The following TAB2 variants were observed in gnomAD, a reference collection of about 807,000 sequenced individuals.
TAB2 encodes TGF-beta activated kinase 1 (MAP3K7) binding protein 2, also known as TGF-beta-activated kinase 1 and MAP3K7-binding protein 2.
TAB2 carries 3 observed loss-of-function variants against 65.0 expected under a neutral mutation model. The ratio of observed to expected loss-of-function variants is 0.05; its 90% CI spans 0.02 to 0.12. The LOEUF (loss-of-function observed/expected upper bound fraction) is 0.12. Ranked by LOEUF, TAB2 falls within the 10% of genes least tolerant of loss-of-function variation. TAB2 has a pLI of 1.00. For synonymous variants in TAB2, 298 were observed against 285.1 expected (o/e 1.05, Z -0.46); for missense variants, 623 against 840.3 (o/e 0.74, Z 3.20).
intron 1 of TAB2, among the ~76,000 whole-genome samples, chr6:149,344,346 C>T (rs896225596): frequency 1.3e-5 from 2 of 152,044 alleles, no homozygotes; most frequent in African/African-American, 2.4e-5. Context: ...AGCTTACAGA[C>T]AAGTAATATG....
intron 2 of TAB2, 80 bp from the exon 3 acceptor site, chr6:149,377,938 T>TA: frequency 9.5e-7 from 1 of 1,055,304 alleles, no homozygotes; most frequent in East Asian, 2.5e-5. Context: ...AGTCACTTGG[T>TA]AATCATGTAT....
intron 1 of TAB2, among the ~76,000 whole-genome samples, chr6:149,367,296 A>G (rs1352425617): frequency 2.6e-5 from 4 of 152,142 alleles, no homozygotes; most frequent in African/African-American, 9.7e-5. Context: ...TCTCTGAAGA[A>G]GTGACATTTG....
rs572768430 is a variant in TAB2, at chr6:149,228,490, C to T, written c.-121+9714C>T. The stretch of plus-strand genomic sequence containing the variant: ...ACTCTGACTTCCTCACACTGTGAAC[C>T]GTCCCCACCATCTCCTGGCTCCCCA... On this transcript the variant is annotated intron_variant, in intron 1 of 1. Coordinates refer to the TAB2 transcript ENST00000606202. 2.2e-4 allele frequency among the ~76,000 whole-genome samples: 34 copies of T among 152,270 alleles called. No homozygotes were observed. The South Asian group carries it at 4.8e-3, about 21-fold the overall frequency.
intron 1 of TAB2, among the ~76,000 whole-genome samples, chr6:149,308,725 A>G (rs2114709822): frequency 6.6e-6 from 1 of 152,078 alleles, no homozygotes; most frequent in South Asian, 2.1e-4. Context: ...AGAGGGTTTC[A>G]CCACGTTGAC....
chr6:149,381,569 C>CTTTT (rs557951574), intron 3 of TAB2, among the ~76,000 whole-genome samples: 17 of 95,556 alleles, frequency 1.8e-4, no homozygotes, highest in African/African-American at 2.5e-4. Flanking sequence ...CCCTCCTATT[C>CTTTT]TTTTTTTTTT....
chr6:149,340,057 TA>T (rs1462527708), intron 1 of TAB2, among the ~76,000 whole-genome samples: 3 of 152,234 alleles, frequency 2.0e-5, no homozygotes, highest in African/African-American at 7.2e-5. Context: ...TTCTATTAAA[TA>T]AGGGTGTTGG....
chr6:149,347,371 C>G (rs905267602), intron 1 of TAB2: 2 of 152,154 alleles, frequency 1.3e-5, no homozygotes, highest in African/African-American at 2.4e-5. Flanking sequence ...TATTATGCTA[C>G]TTTATTAATG....
At chr6:149,275,812 A>T (rs188027866) in intron 1 of TAB2, among the ~76,000 whole-genome samples, 31 of 152,326 alleles carry the variant, frequency 2.0e-4, no homozygotes, top group Non-Finnish European at 3.7e-4. Context: ...CAGCCTAATC[A>T]GGAGAAAAGC....
upstream of TAB2, among the ~76,000 whole-genome samples, chr6:149,316,133 A>G (rs1779245897): frequency 6.6e-6 from 1 of 152,204 alleles, no homozygotes; most frequent in African/African-American, 2.4e-5. Flanking sequence ...AAAGTTAATG[A>G]TTTCTTCTCG....
intron 1 of TAB2, among the ~76,000 whole-genome samples, chr6:149,230,525 A>G (rs1777380867): frequency 6.6e-6 from 1 of 152,240 alleles, no homozygotes; most frequent in Non-Finnish European, 1.5e-5. Context: ...TCAATAATAG[A>G]TATCTCCTAG....
intron 1 of TAB2, among the ~76,000 whole-genome samples, chr6:149,267,823 A>T (rs1778291336): frequency 6.6e-6 from 1 of 152,194 alleles, no homozygotes; most frequent in Non-Finnish European, 1.5e-5. Flanking sequence ...ACATAATGGT[A>T]AATATTTGTC....
At chr6:149,319,134 A>G (rs555195555) in intron 1 of TAB2, among the ~76,000 whole-genome samples, 109 of 152,320 alleles carry the variant, frequency 7.2e-4, no homozygotes, top group Non-Finnish European at 1.2e-3. Flanking sequence ...ATTGATTCAC[A>G]TTTTAGAAAA....
intron 1 of TAB2, among the ~76,000 whole-genome samples, chr6:149,256,567 T>A (rs1421998349): frequency 4.6e-5 from 7 of 152,192 alleles, no homozygotes; most frequent in African/African-American, 1.7e-4. Flanking sequence ...AACTCGAATA[T>A]ATTATTCATG....
intron 6 of TAB2, among the ~76,000 whole-genome samples, chr6:149,403,244 AAAAATATATATATAT>A (rs1217407169): frequency 1.0e-4 from 5 of 49,966 alleles, no homozygotes; most frequent in Admixed American, 8.4e-4. Context: ...TAAAAAAAAA[AAAAATATATATATAT>A]ATATATATAT....
intron 1 of TAB2, among the ~76,000 whole-genome samples, chr6:149,365,132 A>T (rs1780997814): frequency 6.6e-6 from 1 of 152,184 alleles, no homozygotes; most frequent in Admixed American, 6.5e-5. Flanking sequence ...ATTGCTGCAA[A>T]CATTTCATAA....
chr6:149,224,991 T>G (rs965873481), intron 1 of TAB2, among the ~76,000 whole-genome samples: 2 of 152,252 alleles, frequency 1.3e-5, no homozygotes, highest in African/African-American at 2.4e-5. Context: ...GGAATTTGTG[T>G]TTTGGTCAAG....
At chr6:149,404,894 A>T (rs570779118) in intron 6 of TAB2, among the ~76,000 whole-genome samples, 232 of 152,378 alleles carry the variant, frequency 1.5e-3, no homozygotes, top group Non-Finnish European at 2.4e-3. Context: ...CACAGGTAAC[A>T]AAAGCAAAAA....
chr6:149,249,153 TACACAC>T (rs58209371), intron 1 of TAB2, among the ~76,000 whole-genome samples: 1 of 112,648 alleles, frequency 8.9e-6, no homozygotes, highest in Non-Finnish European at 1.9e-5. Context: ...CACACACACA[TACACAC>T]ACACACACAC....
At chr6:149,279,581 C>T (rs1023927184) in intron 1 of TAB2, among the ~76,000 whole-genome samples, 2 of 152,140 alleles carry the variant, frequency 1.3e-5, no homozygotes, top group African/African-American at 4.8e-5. Flanking sequence ...GTGGAGACCA[C>T]GGAAGCTGCC....
Sources: allele counts gnomAD v4.1 joint callset (sites outside exome capture counted in the v4.1 genomes callset), GRCh38; gene constraint gnomAD v4.1.1; transcripts MANE v1.5; gene names NCBI Gene and HGNC (gene_info 2026-07-23, HGNC 2026-07-21).